Variants in PCNX2 observed in about 807,000 individuals in gnomAD.
The protein encoded by PCNX2 is pecanex-like protein 2.
A neutral mutation model predicts 223.8 loss-of-function variants in PCNX2; 168 were observed. The ratio of observed to expected loss-of-function variants is 0.75; its 90% CI spans 0.66 to 0.85. The LOEUF (loss-of-function observed/expected upper bound fraction) is 0.85, where lower values mean the gene tolerates loss of function less well. Among genes scored for constraint, PCNX2 ranks in the 40% least tolerant of loss-of-function variants. The pLI, the probability that PCNX2 is intolerant of heterozygous loss-of-function variation, is 0.00. For missense variants in PCNX2, 2,507 were observed against 2,675.5 expected (o/e 0.94, Z 1.39); for synonymous variants, 1,006 against 1,052.6 (o/e 0.96, Z 0.86).
chr1:233,243,412 TC>T (rs1658902473), intron 8 of PCNX2, among the ~76,000 whole-genome samples: 1 of 152,166 alleles, frequency 6.6e-6, no homozygotes. Context: ...TAGGCATCCT[TC>T]CAAGTTCAAA....
At chr1:233,217,469 T>C (rs1207348117) in intron 12 of PCNX2, among the ~76,000 whole-genome samples, 3 of 152,218 alleles carry the variant, frequency 2.0e-5, no homozygotes, top group African/African-American at 7.2e-5. Flanking sequence ...TTAATCCATG[T>C]AGGCATTTCC....
Position 233,217,888 on chromosome 1 carries a change from T to G in PCNX2, c.2691+11A>C. 1 of 1,613,884 alleles carries G rather than the reference T, an allele frequency of 6.2e-7. No homozygotes were observed. On this transcript the variant is annotated intron_variant, in intron 12 of 33. Transcript: ENST00000258229. ...ACAAGAAAAGCTACTTGCCTGTATT[T>G]GGAAACTTACGTGTATTGGTGAGGC...
At chr1:233,034,198 G>A (rs573397513) in intron 25 of PCNX2, among the ~76,000 whole-genome samples, 6 of 152,268 alleles carry the variant, frequency 3.9e-5, no homozygotes, top group South Asian at 2.1e-4. Flanking sequence ...GTGACAGAGC[G>A]AGAATCCGTC....
intron 21 of PCNX2, among the ~76,000 whole-genome samples, chr1:233,106,030 A>G (rs564084894): frequency 6.6e-6 from 1 of 152,114 alleles, no homozygotes; most frequent in Non-Finnish European, 1.5e-5. Context: ...TGGGCCATTG[A>G]GGAAGGAAGC....
At chr1:233,321,422 C>G in the PCNX2 span, among the ~76,000 whole-genome samples, 1 of 152,104 alleles carries the variant, frequency 6.6e-6, no homozygotes, top group African/African-American at 2.4e-5. Flanking sequence ...CTCAGCCTCC[C>G]AAGTAGCTGG....
chr1:233,259,563 C>T (rs574630761), intron 4 of PCNX2, among the ~76,000 whole-genome samples: 2 of 152,232 alleles, frequency 1.3e-5, no homozygotes, highest in South Asian at 2.1e-4. Context: ...CCTGTCAACC[C>T]GTCATCTAGG....
In PCNX2 at chr1:233,259,048, A is replaced by T; in HGVS notation, c.814T>A (p.Ser272Thr). 6.2e-7 allele frequency: 1 copy of T among 1,614,018 alleles called. No individual in the cohort carries two copies. Among genetic ancestry groups the T allele is most frequent in the Non-Finnish European group, 8.5e-7 (1 of 1,179,904 alleles). The change falls in exon 5 of 34, where the codon TCT becomes ACT. Residue 272 changes from serine (S) to threonine (T), a missense_variant. By Grantham distance (58) the Ser-to-Thr change is moderately conservative. Coordinates refer to ENST00000258229, the MANE Select transcript of PCNX2 (RefSeq NM_014801.4). ...SQYDLLETDV[S>T]FQPWGSENSV... is the part of the protein sequence containing the mutation. ...TTCTCACTCCCCCACGGCTGGAAAG[A>T]AACGTCTGTTTCTAGTAAGTCATAC...
chr1:233,218,909 T>C (rs1212489234), intron 10 of PCNX2, among the ~76,000 whole-genome samples: 1 of 152,144 alleles, frequency 6.6e-6, no homozygotes, highest in Non-Finnish European at 1.5e-5. Context: ...CAGACAATCA[T>C]TTCCAGATAA....
At chr1:233,091,364 C>T (rs1395834929) in intron 22 of PCNX2, among the ~76,000 whole-genome samples, 3 of 151,420 alleles carry the variant, frequency 2.0e-5, no homozygotes, top group African/African-American at 7.3e-5. Flanking sequence ...TTGGCACAGA[C>T]AGGAAGACTC....
intron 1 of PCNX2, among the ~76,000 whole-genome samples, chr1:233,275,912 C>T (rs1660886546): frequency 6.6e-6 from 1 of 151,986 alleles, no homozygotes; most frequent in African/African-American, 2.4e-5. Flanking sequence ...TGCCTGTAAT[C>T]CCAGCTAATC....
Position 233,054,370 on chromosome 1 carries a change from C to T in PCNX2, c.4249G>A (p.Asp1417Asn), listed in dbSNP as rs1237031185. 3 of 1,613,752 alleles carry T rather than the reference C, an allele frequency of 1.9e-6. No homozygotes were observed. Among genetic ancestry groups the T allele is most frequent in the Admixed American group, 1.7e-5 (1 of 59,980 alleles). Residue 1417 changes from aspartate (D) to asparagine (N), a missense_variant, in exon 25 of 34, where the codon GAT (aspartate) becomes AAT (asparagine). Around this residue, in one of 3 missense-constraint regions of PCNX2, gnomAD observed 1,372 missense variants for 1,509.4 expected, o/e 0.91. Coordinates refer to ENST00000258229, the MANE Select transcript of PCNX2 (RefSeq NM_014801.4). ...LGRWGNYSSG[D>N]CFILASDDLN... ...TCATCTGAAGCCAAAATAAAGCAAT[C>T]GCCAGAGCTGTAGTTGCCCCAACGT...
chr1:233,316,359 A>G, the PCNX2 span, among the ~76,000 whole-genome samples: 1 of 152,024 alleles, frequency 6.6e-6, no homozygotes, highest in Admixed American at 6.6e-5. Context: ...CATCACCACC[A>G]TCAGCATTGT....
intron 21 of PCNX2, among the ~76,000 whole-genome samples, chr1:233,123,363 C>T (rs976621272): frequency 2.0e-5 from 3 of 152,006 alleles, no homozygotes; most frequent in African/African-American, 4.8e-5. Context: ...GGGCGGATCA[C>T]GAGGTCAGGA....
Position 233,025,491 on chromosome 1 carries a change from A to G in PCNX2, c.4352-92T>C. 10 of 1,504,968 alleles carry G rather than the reference A, an allele frequency of 6.6e-6. No individual in the cohort carries two copies. The Admixed American group carries it at 7.6e-5, about 11-fold the overall frequency. The allele number at this position is 1,504,968 out of a possible 1,614,324, so 93.2% of individuals were successfully genotyped here. Reference sequence around the variant, plus strand: ...TTCCCCATGCCTTCATCAGAGGGGAAGAGGCTGAAGGGAGTCGAGGAATCA... The same window carrying G: ...TTCCCCATGCCTTCATCAGAGGGGAGGAGGCTGAAGGGAGTCGAGGAATCA... On this transcript the variant is annotated intron_variant, in intron 25 of 33. Coordinates refer to ENST00000258229, the MANE Select transcript of PCNX2 (RefSeq NM_014801.4).
Position 233,139,342 on chromosome 1 carries a change from A to C in PCNX2, c.3659+372T>G, listed in dbSNP as rs2102775139. Reference sequence around the variant, plus strand: ...GCACAAAATGATAGAGTATTTGCTAAATGAAATGACATGAAGCAGTTCATA... The same window carrying C: ...GCACAAAATGATAGAGTATTTGCTACATGAAATGACATGAAGCAGTTCATA... On this transcript the variant is annotated intron_variant, in intron 20 of 33. Transcript: ENST00000258229. The surrounding 1 kb of genome is among the most constrained non-coding windows in gnomAD (Gnocchi z 4.4). Among the ~76,000 whole-genome samples, 1 of 152,308 alleles carries C rather than the reference A, an allele frequency of 6.6e-6. No homozygotes were observed. Among genetic ancestry groups the C allele is most frequent in the East Asian group, 1.9e-4 (1 of 5,178 alleles).
chr1:233,177,291 T>G (rs1449462280), intron 17 of PCNX2, among the ~76,000 whole-genome samples: 2 of 152,214 alleles, frequency 1.3e-5, no homozygotes, highest in African/African-American at 4.8e-5. Flanking sequence ...CTCTTCCTTA[T>G]TTAAAGGTGT....
intron 17 of PCNX2, among the ~76,000 whole-genome samples, chr1:233,163,591 A>C (rs1256873841): frequency 6.6e-6 from 1 of 151,426 alleles, no homozygotes; most frequent in Non-Finnish European, 1.5e-5. Context: ...GGATATATAT[A>C]AATTATGGGA....
chr1:233,293,941 A>G (rs1324470448), intron 1 of PCNX2: 19 of 983,436 alleles, frequency 1.9e-5, no homozygotes, highest in Non-Finnish European at 2.2e-5. Flanking sequence ...TAGGCTAAGG[A>G]AAAATGGGTT....
intron 15 of PCNX2, among the ~76,000 whole-genome samples, chr1:233,179,758 G>A (rs1388653907): frequency 6.6e-6 from 1 of 152,132 alleles, no homozygotes; most frequent in Non-Finnish European, 1.5e-5. Flanking sequence ...TAGTTGCTTT[G>A]GCTTACTCAA....
Sources: gnomAD v4.1 joint callset for allele counts (sites outside exome capture counted in the v4.1 genomes callset) on GRCh38, gnomAD v4.1.1 for gene constraint, gnomAD v4.1.1 regional missense constraint, Gnocchi (gnomAD v3.1) non-coding constraint, MANE v1.5 for transcripts, NCBI Gene and HGNC (gene_info 2026-07-23, HGNC 2026-07-21) for gene names.